CUX1: variants seen among roughly 807,000 people sequenced by gnomAD.
CUX1 encodes the protein cut like homeobox 1, also known as protein CASP.
CUX1 carries 31 observed loss-of-function variants against 158.8 expected under a neutral mutation model. The ratio of observed to expected loss-of-function variants is 0.20; its 90% CI spans 0.15 to 0.26. CUX1 has a LOEUF of 0.26. CUX1 is among the 10% of genes least tolerant of loss of function. The pLI, the probability that CUX1 is intolerant of heterozygous loss-of-function variation, is 1.00. For missense variants in CUX1, 1,589 were observed against 2,014.6 expected (o/e 0.79, Z 4.04); for synonymous variants, 879 against 862.1 (o/e 1.02, Z -0.34).
chr7:102,268,349 G>A (rs567287381), intron 14 of CUX1, among the ~76,000 whole-genome samples: 3 of 151,998 alleles, frequency 2.0e-5, no homozygotes, highest in Admixed American at 1.3e-4. Flanking sequence ...CCACCACCTC[G>A]ACGACAACAC....
chr7:101,901,387 G>T (rs1802123409), intron 1 of CUX1, among the ~76,000 whole-genome samples: 1 of 152,014 alleles, frequency 6.6e-6, no homozygotes, highest in South Asian at 2.1e-4. Context: ...TCCGCCCCTA[G>T]GGTTCTAGCG....
chr7:101,866,972 G>A (rs10275899), intron 1 of CUX1, among the ~76,000 whole-genome samples: 27,950 of 152,252 alleles, frequency 0.18, 4,389 homozygotes, highest in East Asian at 0.83. Context: ...TGTAATCCCT[G>A]CGCTTTGGGA....
intron 3 of CUX1, among the ~76,000 whole-genome samples, chr7:102,069,711 G>A (rs1369093738): frequency 6.6e-6 from 1 of 152,210 alleles, no homozygotes; most frequent in Non-Finnish European, 1.5e-5. Flanking sequence ...TCGTGCTACT[G>A]CACTCCAGTC....
At chr7:102,056,946 G>A (rs1824221455) in intron 3 of CUX1, among the ~76,000 whole-genome samples, 1 of 148,268 alleles carries the variant, frequency 6.7e-6, no homozygotes, top group African/African-American at 2.5e-5. Context: ...CTGTCACCCA[G>A]GCTGGAGTCT....
rs150220953 is a variant in CUX1, at chr7:102,012,250, C to T, written c.142-15848C>T. ...TTGCCCAGGCTGGAGTACAGTGGTGCGATCTCGGCTCACTGCAACCTCCGC... is the reference window on the plus strand; with the variant it reads ...TTGCCCAGGCTGGAGTACAGTGGTGTGATCTCGGCTCACTGCAACCTCCGC... On this transcript the variant is annotated intron_variant, in intron 2 of 23. Transcript: ENST00000292535. Among the ~76,000 whole-genome samples the T allele has an allele frequency of 1.5e-3, 229 of 152,144 alleles. 4 individuals are homozygous for T. The East Asian group carries it at 0.038, about 25-fold the overall frequency.
chr7:101,987,689 G>A (rs967089319), intron 2 of CUX1, among the ~76,000 whole-genome samples: 4 of 152,200 alleles, frequency 2.6e-5, no homozygotes, highest in Admixed American at 1.3e-4. Flanking sequence ...GTGTCCTGGC[G>A]CAGGGCACGT....
At chr7:101,817,284 G>T (rs1791952426), upstream of CUX1, 3 of 984,936 alleles carry the variant, frequency 3.0e-6, no homozygotes, top group Non-Finnish European at 3.6e-6. This position sits in a 1 kb window ranked among gnomAD's most constrained non-coding sequence, Gnocchi z 4.1. Context: ...GACCTGCGGC[G>T]CCGGGTCCCT....
At chr7:102,050,059 C>T (rs1001981414) in intron 3 of CUX1, among the ~76,000 whole-genome samples, 8 of 152,190 alleles carry the variant, frequency 5.3e-5, no homozygotes, top group African/African-American at 1.7e-4. Context: ...GGTGTAGACA[C>T]TGCTTCCCTT....
intron 23 of CUX1, among the ~76,000 whole-genome samples, chr7:102,247,966 T>A (rs1416900452): frequency 6.6e-6 from 1 of 152,004 alleles, no homozygotes; most frequent in Non-Finnish European, 1.5e-5. Context: ...CCCCATCTCT[T>A]CTAAAAATGC....
chr7:101,999,217 C>CTTTTTTTTTTTTTT (rs3988167), intron 2 of CUX1, among the ~76,000 whole-genome samples: 1 of 85,832 alleles, frequency 1.2e-5, no homozygotes, highest in Admixed American at 1.7e-4. Context: ...TTTTTTTTAC[C>CTTTTTTTTTTTTTT]TTTTTTTTTT....
chr7:101,863,212 A>G (rs1178256273), intron 1 of CUX1, among the ~76,000 whole-genome samples: 2 of 152,148 alleles, frequency 1.3e-5, no homozygotes, highest in Non-Finnish European at 2.9e-5. Context: ...GCTATCCAAT[A>G]TCAAACTGCC....
At chr7:102,120,003 C>T (rs2131178891) in intron 8 of CUX1, among the ~76,000 whole-genome samples, 1 of 152,306 alleles carries the variant, frequency 6.6e-6, no homozygotes, top group Non-Finnish European at 1.5e-5. Context: ...AACATCTAAA[C>T]AATTCCTTGG....
At chr7:102,268,867 G>A (rs892486259) in intron 14 of CUX1, among the ~76,000 whole-genome samples, 5 of 151,798 alleles carry the variant, frequency 3.3e-5, no homozygotes, top group African/African-American at 1.2e-4. Context: ...AGACAGCACC[G>A]CGCCACAAGG....
chr7:102,129,104 A>G (rs1832950938), intron 8 of CUX1, among the ~76,000 whole-genome samples: 1 of 151,952 alleles, frequency 6.6e-6, no homozygotes, highest in South Asian at 2.1e-4. Context: ...AGGTCTGCTT[A>G]CCTCCCCCTG....
At chr7:102,159,410 A>G (rs557958501) in intron 9 of CUX1, among the ~76,000 whole-genome samples, 1 of 152,380 alleles carries the variant, frequency 6.6e-6, no homozygotes, top group African/African-American at 2.4e-5. Flanking sequence ...CAGATCAGGC[A>G]CAGGACGCAT....
intron 1 of CUX1, among the ~76,000 whole-genome samples, chr7:101,822,965 A>G (rs1792840049): frequency 6.6e-6 from 1 of 152,062 alleles, no homozygotes; most frequent in South Asian, 2.1e-4. Flanking sequence ...CCTTCCCTTT[A>G]AAAAGCTAAT....
At position 101,825,794 on chromosome 7, in the gene CUX1, TGTGTGC is replaced by T. The variant is rs760427796; in HGVS notation, c.30+8127_30+8132del. ...GTGTGTGTGTGTGTGTGTGTGTGTG[TGTGTGC>T]GCGCGCGCGCGCAGTTAGTCTTCGG... On this transcript the variant is annotated intron_variant, in intron 1 of 23. Coordinates refer to ENST00000292535, the MANE Select transcript of CUX1 (RefSeq NM_181552.4). Among the ~76,000 whole-genome samples, 680 of 95,332 alleles carry T rather than the reference TGTGTGC, an allele frequency of 7.1e-3. 2 individuals are homozygous for T. Among genetic ancestry groups the T allele is most frequent in the South Asian group, 0.013 (36 of 2,696 alleles). 62.5% of individuals were successfully genotyped at this position (95,332 alleles called of 152,430 possible).
intron 3 of CUX1, among the ~76,000 whole-genome samples, chr7:102,063,317 T>C (rs901696193): frequency 6.6e-6 from 1 of 151,138 alleles, no homozygotes; most frequent in Non-Finnish European, 1.5e-5. Flanking sequence ...GCTGTCATCA[T>C]CTCACAGCAC....
At chr7:101,892,535 G>A (rs1002999454) in intron 1 of CUX1, among the ~76,000 whole-genome samples, 2 of 152,112 alleles carry the variant, frequency 1.3e-5, no homozygotes, top group African/African-American at 2.4e-5. Flanking sequence ...TCATTACTAC[G>A]TTATACGCAG....
Sources: gnomAD v4.1 joint callset for allele counts (sites outside exome capture counted in the v4.1 genomes callset) on GRCh38, gnomAD v4.1.1 for gene constraint, Gnocchi (gnomAD v3.1) non-coding constraint, MANE v1.5 for transcripts, NCBI Gene and HGNC (gene_info 2026-07-23, HGNC 2026-07-21) for gene names.